The following SORBS2 variants were observed in gnomAD, a reference collection of about 807,000 sequenced individuals.
SORBS2 encodes the protein sorbin and SH3 domain-containing protein 2.
In SORBS2, 46 loss-of-function variants were observed where a neutral mutation model predicts 97.7. That is an observed-to-expected ratio of 0.47 (90% CI 0.37 to 0.60). The LOEUF is 0.60. Ranked by LOEUF, SORBS2 falls within the 20% of genes least tolerant of loss-of-function variation. The pLI is 0.00. For synonymous variants in SORBS2, 476 were observed against 473.4 expected, an observed-to-expected ratio of 1.01 and a Z score of -0.07; for missense variants, 1,316 against 1,282.3, an observed-to-expected ratio of 1.03 and a Z score of -0.40.
At chr4:185,758,832 C>T (rs183717264) in intron 2 of SORBS2, among the ~76,000 whole-genome samples, 1 of 152,332 alleles carries the variant, frequency 6.6e-6, no homozygotes, top group Admixed American at 6.5e-5. Flanking sequence ...AGATGGGTAA[C>T]CCTATGGGCA....
intron 1 of SORBS2, among the ~76,000 whole-genome samples, chr4:185,872,833 C>A (rs973718518): frequency 6.6e-6 from 1 of 152,184 alleles, no homozygotes; most frequent in Admixed American, 6.5e-5. Context: ...AAGGGAGGAA[C>A]CCTCTACACC....
intron 1 of SORBS2, among the ~76,000 whole-genome samples, chr4:185,938,383 GACACATACACAC>G (rs1204118601): frequency 1.1e-5 from 1 of 91,348 alleles, no homozygotes; most frequent in African/African-American, 4.1e-5. Context: ...GAAAAATGTA[GACACATACACAC>G]ACACACACAC....
At chr4:185,889,589 C>A (rs1161831385) in intron 1 of SORBS2, among the ~76,000 whole-genome samples, 2 of 152,070 alleles carry the variant, frequency 1.3e-5, no homozygotes, top group East Asian at 1.9e-4. Flanking sequence ...CGGTATCATT[C>A]CCCGATCTCC....
intron 1 of SORBS2, among the ~76,000 whole-genome samples, chr4:185,951,715 G>T (rs990079042): frequency 6.6e-6 from 1 of 152,202 alleles, no homozygotes; most frequent in Admixed American, 6.5e-5. Flanking sequence ...TTCCTAATTT[G>T]CAGATTGTAT....
intron 2 of SORBS2, among the ~76,000 whole-genome samples, chr4:185,716,768 C>A (rs916103001): frequency 1.3e-5 from 2 of 152,156 alleles, no homozygotes; most frequent in Non-Finnish European, 2.9e-5. Context: ...GGAGCCAGTT[C>A]TGCCTGACTG....
chr4:185,800,755 T>C (rs540434164), intron 1 of SORBS2, among the ~76,000 whole-genome samples: 59 of 152,314 alleles, frequency 3.9e-4, no homozygotes, highest in African/African-American at 1.4e-3. Flanking sequence ...CTTAAAAGCA[T>C]ACTCCATTTT....
chr4:185,873,531 T>G (rs371179618), intron 1 of SORBS2, among the ~76,000 whole-genome samples: 80 of 152,234 alleles, frequency 5.3e-4, no homozygotes, highest in African/African-American at 1.9e-3. Flanking sequence ...AAAGACAGTT[T>G]GAAATTCTAA....
intron 1 of SORBS2, 147 bp from the exon 10 acceptor site, chr4:185,652,875 A>T (rs1237487148): frequency 1.5e-6 from 1 of 664,546 alleles, no homozygotes; most frequent in Non-Finnish European, 2.7e-6. Context: ...GCTTCATGAC[A>T]GTTTCAGCAA....
At chr4:185,863,022 C>T (rs182595607) in intron 1 of SORBS2, among the ~76,000 whole-genome samples, 105 of 152,278 alleles carry the variant, frequency 6.9e-4, no homozygotes, top group East Asian at 4.2e-3. Context: ...ATGCACTGCA[C>T]GCCAGGCCAG....
intron 2 of SORBS2, among the ~76,000 whole-genome samples, chr4:185,717,342 G>A (rs1263002614): frequency 2.0e-5 from 3 of 152,194 alleles, no homozygotes; most frequent in East Asian, 1.9e-4. Flanking sequence ...GTTACTTCCT[G>A]TGAGATATTG....
chr4:185,665,924 A>G (rs1484691692), intron 4 of SORBS2: 31 of 1,214,048 alleles, frequency 2.6e-5, no homozygotes, highest in Non-Finnish European at 1.8e-5. Context: ...GTTGTCAGAG[A>G]GCCTGTGTCG....
At chr4:185,714,393 C>A (rs1278094372) in intron 2 of SORBS2, among the ~76,000 whole-genome samples, 1 of 152,158 alleles carries the variant, frequency 6.6e-6, no homozygotes, top group Non-Finnish European at 1.5e-5. Flanking sequence ...ACTTAGGTGG[C>A]ATTAAGTAGA....
chr4:185,743,364 G>T (rs151031391), intron 2 of SORBS2, among the ~76,000 whole-genome samples: 14 of 152,022 alleles, frequency 9.2e-5, no homozygotes, highest in Non-Finnish European at 1.8e-4. Flanking sequence ...TTAATTTTGC[G>T]CAGATTTCCC....
intron 1 of SORBS2, among the ~76,000 whole-genome samples, chr4:185,844,642 A>G (rs535521420): frequency 1.3e-5 from 2 of 152,240 alleles, no homozygotes; most frequent in Non-Finnish European, 2.9e-5. Flanking sequence ...TCTTCAAACA[A>G]AACTTGTACA....
chr4:185,808,394 A>G (rs1342626976), intron 1 of SORBS2, among the ~76,000 whole-genome samples: 1 of 152,216 alleles, frequency 6.6e-6, no homozygotes, highest in African/African-American at 2.4e-5. Flanking sequence ...AAAGACAAGG[A>G]ATTATGTATT....
chr4:185,598,024 A>C (rs1423798458), intron 12 of SORBS2, among the ~76,000 whole-genome samples: 1 of 152,134 alleles, frequency 6.6e-6, no homozygotes, highest in Non-Finnish European at 1.5e-5. Context: ...TATTTTGACT[A>C]TCTGTGCAGG....
At chr4:185,722,436 C>T (rs913261361) in intron 2 of SORBS2, among the ~76,000 whole-genome samples, 1 of 152,202 alleles carries the variant, frequency 6.6e-6, no homozygotes, top group Admixed American at 6.5e-5. Flanking sequence ...ACAGTCTCTG[C>T]AATTTATTCT....
chr4:185,716,215 C>T (rs2030142), intron 2 of SORBS2, among the ~76,000 whole-genome samples: 85,595 of 152,156 alleles, frequency 0.56, 24,371 homozygotes, highest in Non-Finnish European at 0.59. Flanking sequence ...GGCAGGCTGG[C>T]GAGGTAGTCA....
At chr4:185,764,576 G>C (rs1349461827) in intron 2 of SORBS2, among the ~76,000 whole-genome samples, 1 of 152,128 alleles carries the variant, frequency 6.6e-6, no homozygotes, top group African/African-American at 2.4e-5. Flanking sequence ...TATACTATCT[G>C]TGATAAATTT....
Sources: gnomAD v4.1 joint callset for allele counts (sites outside exome capture counted in the v4.1 genomes callset) on GRCh38, gnomAD v4.1.1 for gene constraint, MANE v1.5 for transcripts, NCBI Gene and HGNC (gene_info 2026-07-23, HGNC 2026-07-21) for gene names.